ARHGAP44: variants seen among roughly 807,000 people sequenced by gnomAD.
The protein encoded by ARHGAP44 is rho GTPase-activating protein 44.
ARHGAP44 carries 43 observed loss-of-function variants against 106.8 expected under a neutral mutation model. That is an observed-to-expected ratio of 0.40 (90% CI 0.32 to 0.52). ARHGAP44 has a LOEUF of 0.52. Ranked by LOEUF, ARHGAP44 falls within the 20% of genes least tolerant of loss-of-function variation. The pLI, the probability that ARHGAP44 is intolerant of heterozygous loss-of-function variation, is 0.48. For synonymous variants in ARHGAP44, 439 were observed against 410.3 expected, an observed-to-expected ratio of 1.07 and a Z score of -0.85; for missense variants, 866 against 1,050.5, an observed-to-expected ratio of 0.82 and a Z score of 2.43.
At chr17:12,870,748 G>A (rs1001061284) in intron 1 of ARHGAP44, among the ~76,000 whole-genome samples, 1 of 152,030 alleles carries the variant, frequency 6.6e-6, no homozygotes, top group African/African-American at 2.4e-5. Flanking sequence ...CTTCCTGCTG[G>A]TGAGATGAGG....
At chr17:12,832,693 A>G (rs1032506310) in intron 1 of ARHGAP44, among the ~76,000 whole-genome samples, 3 of 152,210 alleles carry the variant, frequency 2.0e-5, no homozygotes, top group Admixed American at 2.0e-4. Context: ...TAGAAGCAAG[A>G]TGAAGTTGGT....
At chr17:12,892,945 T>C (rs962479070) in intron 1 of ARHGAP44, among the ~76,000 whole-genome samples, 7 of 152,232 alleles carry the variant, frequency 4.6e-5, no homozygotes, top group Admixed American at 4.6e-4. Flanking sequence ...TAATGAATAC[T>C]TTAATTGGAA....
At chr17:12,957,093 G>A (rs1423663744) in intron 15 of ARHGAP44, among the ~76,000 whole-genome samples, 1 of 152,066 alleles carries the variant, frequency 6.6e-6, no homozygotes, top group Non-Finnish European at 1.5e-5. Flanking sequence ...TGAGTAGCTG[G>A]GATTACAGGC....
In ARHGAP44 at chr17:12,815,435, T is replaced by C. The variant is rs1005846149; in HGVS notation, c.53+25544T>C. On this transcript the variant is annotated intron_variant, in intron 1 of 20. Coordinates refer to ENST00000379672, the MANE Select transcript of ARHGAP44 (RefSeq NM_014859.6). ...GGGTAGAAAAGGCTGGAAGCGTGAA[T>C]AATAGAATATAGCACATAACAAAGA... Among the ~76,000 whole-genome samples, 8 of 152,270 alleles carry C rather than the reference T, an allele frequency of 5.3e-5. No individual in the cohort carries two copies. In the South Asian group the frequency reaches 8.3e-4, roughly 16 times the overall value.
rs1199477691 is a variant in ARHGAP44, at chr17:12,991,217, T to TA, written c.*1046_*1047insA. Reference sequence around the variant, plus strand: ...GGCCGGGAGGGCACCGGGTAGCCTTTTCACACTTGGGGATTAGGGGAGTGA... The same window carrying TA: ...GGCCGGGAGGGCACCGGGTAGCCTTTATCACACTTGGGGATTAGGGGAGTGA... On this transcript the variant is annotated 3_prime_UTR_variant, in exon 21 of 21. Transcript: ENST00000379672. 8.5e-5 allele frequency: 13 copies of TA among 152,628 alleles called. No individual in the cohort carries two copies. Among genetic ancestry groups the TA allele is most frequent in the African/African-American group, 3.1e-4 (13 of 41,470 alleles). The allele number at this position is 152,628 out of a possible 1,614,324, so 9.5% of individuals were successfully genotyped here.
At chr17:12,974,405 C>A in intron 18 of ARHGAP44, 95 bp downstream of exon 18, 1 of 1,045,026 alleles carries the variant, frequency 9.6e-7, no homozygotes, top group South Asian at 2.3e-5. Context: ...TTCGTCGTTT[C>A]CCATGCCCCC....
chr17:12,923,507 G>C (rs2038145148), intron 6 of ARHGAP44, among the ~76,000 whole-genome samples: 1 of 151,994 alleles, frequency 6.6e-6, no homozygotes, highest in Non-Finnish European at 1.5e-5. Context: ...GTGAGCCACT[G>C]TGCCCGGCCG....
intron 1 of ARHGAP44, among the ~76,000 whole-genome samples, chr17:12,802,967 ATATT>A (rs2034160412): frequency 6.9e-4 from 22 of 31,670 alleles, no homozygotes; most frequent in South Asian, 1.5e-3. Context: ...ATATATATAT[ATATT>A]TTTTTTTTTT....
chr17:12,951,225 T>C (rs1030269200), intron 12 of ARHGAP44, among the ~76,000 whole-genome samples: 1 of 152,224 alleles, frequency 6.6e-6, no homozygotes, highest in African/African-American at 2.4e-5. Flanking sequence ...TGTGTGTTTT[T>C]AACTCCTGTA....
At chr17:12,834,952 T>C (rs2035193445) in intron 1 of ARHGAP44, among the ~76,000 whole-genome samples, 1 of 152,216 alleles carries the variant, frequency 6.6e-6, no homozygotes, top group Admixed American at 6.5e-5. Flanking sequence ...CAAGTTTAAT[T>C]GCCTGTAATT....
chr17:12,953,777 T>C (rs1008052049), intron 13 of ARHGAP44, among the ~76,000 whole-genome samples: 1 of 152,226 alleles, frequency 6.6e-6, no homozygotes, highest in African/African-American at 2.4e-5. Context: ...ATTCCACTTA[T>C]ATGAAGTACC....
chr17:12,864,694 GGC>G (rs376373178), intron 1 of ARHGAP44, among the ~76,000 whole-genome samples: 24 of 152,072 alleles, frequency 1.6e-4, no homozygotes, highest in African/African-American at 5.6e-4. Flanking sequence ...TAGAAAATAT[GGC>G]AGCTATTGAA....
At chr17:12,872,769 CT>C (rs560255254) in intron 1 of ARHGAP44, among the ~76,000 whole-genome samples, 65 of 151,984 alleles carry the variant, frequency 4.3e-4, no homozygotes, top group Non-Finnish European at 4.4e-5. Flanking sequence ...ATCTGTATCT[CT>C]TTTTTTTCTC....
intron 6 of ARHGAP44, among the ~76,000 whole-genome samples, chr17:12,926,533 A>G (rs2038252441): frequency 1.4e-5 from 2 of 145,326 alleles, no homozygotes; most frequent in East Asian, 3.9e-4. Context: ...TATTATACAT[A>G]CATATATATT....
In ARHGAP44 at chr17:12,958,632, T is replaced by G; in HGVS notation, c.1343-85T>G. The G allele has an allele frequency of 7.8e-7, 1 of 1,286,030 alleles. No homozygotes were observed. The highest frequency in any genetic ancestry group is 1.1e-6 in the Non-Finnish European group (1 of 913,460). 79.7% of individuals were successfully genotyped at this position (1,286,030 alleles called of 1,614,324 possible). On this transcript the variant is annotated intron_variant, in intron 15 of 20. Transcript: ENST00000379672. This position sits in a 1 kb window ranked among gnomAD's most constrained non-coding sequence, Gnocchi z 4.1. ...TTTCTAGGGATGACATACGAGGGAG[T>G]GGGTGTCTGGACTCATTCCTCCCCT...
chr17:12,860,425 A>G (rs1406013423), intron 1 of ARHGAP44, among the ~76,000 whole-genome samples: 1 of 152,092 alleles, frequency 6.6e-6, no homozygotes, highest in Non-Finnish European at 1.5e-5. Flanking sequence ...TGTTCCATTT[A>G]TTGGTGTTTC....
chr17:12,855,599 T>C lies in ARHGAP44; in HGVS notation c.54-39341T>C, dbSNP rs74253581. 3.5e-3 allele frequency among the ~76,000 whole-genome samples: 535 copies of C among 152,290 alleles called. 17 individuals are homozygous for C. In the South Asian group the frequency reaches 0.059, roughly 17 times the overall value. ...TGGGTGGTCAGAGTAATGGAACATA[T>C]CCAAATGGATATCCAATTGCCCCAA... On this transcript the variant is annotated intron_variant, in intron 1 of 20. Coordinates refer to ENST00000379672, the MANE Select transcript of ARHGAP44 (RefSeq NM_014859.6).
At chr17:12,907,402 C>T (rs529570036) in intron 3 of ARHGAP44, among the ~76,000 whole-genome samples, 1 of 152,228 alleles carries the variant, frequency 6.6e-6, no homozygotes, top group South Asian at 2.1e-4. Flanking sequence ...GTCTATTTAC[C>T]ACCATTATCT....
At chr17:12,987,045 T>G in intron 20 of ARHGAP44, 35 of 1,235,346 alleles carry the variant, frequency 2.8e-5, no homozygotes, top group Non-Finnish European at 3.6e-5. Context: ...TTTTGTGACG[T>G]TCATGTTTTG....
Sources: gnomAD v4.1 joint callset for allele counts (sites outside exome capture counted in the v4.1 genomes callset) on GRCh38, gnomAD v4.1.1 for gene constraint, Gnocchi (gnomAD v3.1) non-coding constraint, MANE v1.5 for transcripts, NCBI Gene and HGNC (gene_info 2026-07-23, HGNC 2026-07-21) for gene names.